Variants in SEC16A observed in about 807,000 individuals in gnomAD.
SEC16A encodes the protein protein transport protein Sec16A.
Under a neutral mutation model 221.9 loss-of-function variants are expected in SEC16A, and 110 were observed. The ratio of observed to expected loss-of-function variants is 0.50; its 90% CI spans 0.42 to 0.58. The LOEUF (loss-of-function observed/expected upper bound fraction) is 0.58, where lower values mean the gene tolerates loss of function less well. SEC16A is among the 20% of genes least tolerant of loss of function. The probability of loss-of-function intolerance (pLI) is 0.00; values close to 1 mark genes in which losing one functional copy is unlikely to be tolerated. For synonymous variants in SEC16A, 1,393 were observed against 1,257.7 expected (o/e 1.11, Z -2.28); for missense variants, 3,165 against 3,097.8 (o/e 1.02, Z -0.52).
intron 20 of SEC16A, among the ~76,000 whole-genome samples, chr9:136,455,094 C>A (rs560809190): frequency 6.6e-6 from 1 of 152,340 alleles, no homozygotes; most frequent in East Asian, 1.9e-4. Flanking sequence ...AGCCCGTGCT[C>A]ATCCAGGCAT....
At chr9:136,463,376 C>T (rs1839758890) in intron 11 of SEC16A, 87 bp downstream of exon 11, 2 of 1,532,642 alleles carry the variant, frequency 1.3e-6, no homozygotes, top group African/African-American at 1.4e-5. Flanking sequence ...ACGCGGATCC[C>T]GCCCTGCTCC....
chr9:136,454,121 T>C lies in SEC16A; in HGVS notation c.6064A>G (p.Ser2022Gly). ...ERRHLLQEAR[S>G]PDPGIVPQEA... ...TCTGCAGCCCCACCTGGGTCTGGGC[T>C]CCTGGCTTCCTGGAGCAAGTGTCTC... Residue 2022 changes from serine (S) to glycine (G), a missense_variant, in exon 21 of 32, where the codon AGC (serine) becomes GGC (glycine). This residue lies in a region of SEC16A where 1,088 missense variants were observed against 1,089.6 expected (regional missense o/e 1.00). Coordinates refer to ENST00000684901, the MANE Select transcript of SEC16A (RefSeq NM_014866.2). The C allele has an allele frequency of 6.4e-7, 1 of 1,551,280 alleles. No individual in the cohort carries two copies. Among genetic ancestry groups the C allele is most frequent in the Non-Finnish European group, 8.7e-7 (1 of 1,147,430 alleles).
chr9:136,457,632 C>A, intron 17 of SEC16A, 48 bp from the exon 18 acceptor site: 1 of 1,575,576 alleles, frequency 6.3e-7, no homozygotes, highest in Non-Finnish European at 8.6e-7. Flanking sequence ...CGCGTCCGAG[C>A]ATCGCCGATG....
chr9:136,447,470 G>A lies in SEC16A; in HGVS notation c.6559+99C>T, dbSNP rs1403831595. The A allele has an allele frequency of 2.6e-6, 4 of 1,550,058 alleles. No homozygotes were observed. The East Asian group carries it at 9.3e-5, about 36-fold the overall frequency. ...GAGGAAAAGCACGCAGGGACGTGCG[G>A]GAAGCCACCTCCTCCCCACGCACAA... On this transcript the variant is annotated intron_variant, in intron 26 of 31. Transcript: ENST00000684901. The surrounding 1 kb of genome is among the most constrained non-coding windows in gnomAD (Gnocchi z 5.5).
chr9:136,457,265 C>T (rs969877182), intron 18 of SEC16A, among the ~76,000 whole-genome samples, 179 bp downstream of exon 18: 4 of 152,258 alleles, frequency 2.6e-5, no homozygotes, highest in Admixed American at 1.3e-4. Flanking sequence ...TGAGAGTTCC[C>T]AGGCTAAGAC....
chr9:136,446,955 G>T lies in SEC16A; in HGVS notation c.6698-6C>A. Reference sequence around the variant, plus strand: ...AAGCTGTGGTTCTTCTGCATCTGGGGATGAGAGAGCGAGGAGGCCATCATT... The same window carrying T: ...AAGCTGTGGTTCTTCTGCATCTGGGTATGAGAGAGCGAGGAGGCCATCATT... On this transcript the variant is annotated splice_region_variant and splice_polypyrimidine_tract_variant and intron_variant, in intron 27 of 31. Transcript: ENST00000684901. 1.2e-6 allele frequency: 2 copies of T among 1,613,578 alleles called. No homozygotes were observed. The highest frequency in any genetic ancestry group is 1.7e-6 in the Non-Finnish European group (2 of 1,179,872).
upstream of SEC16A, chr9:136,483,567 C>T (rs934192531): frequency 6.1e-6 from 6 of 985,280 alleles, no homozygotes; most frequent in East Asian, 1.1e-4. Flanking sequence ...CGTCCCAGTA[C>T]GTCGCCCTGT....
Position 136,451,315 on chromosome 9 carries a change from C to T in SEC16A, c.6253G>A (p.Ala2085Thr), listed in dbSNP as rs370580753. 11 of 1,613,360 alleles carry T rather than the reference C, an allele frequency of 6.8e-6. No individual in the cohort carries two copies. Among genetic ancestry groups the T allele is most frequent in the African/African-American group, 5.3e-5 (4 of 74,916 alleles). The stretch of plus-strand genomic sequence containing the variant: ...TGTCCGGGTCTCTTTGTTTCGGGAG[C>T]GGGTGAGAGAGACAGAGGTGGCTGC... ...PTQPPLSLSP[A>T]PETKRPGQAA... The change falls in exon 23 of 32, where the codon GCT (alanine) becomes ACT (threonine). Residue 2085 changes from alanine (A) to threonine (T), a missense_variant. Transcript: ENST00000684901.
intron 22 of SEC16A, among the ~76,000 whole-genome samples, chr9:136,452,788 AAAG>A (rs1454817506): frequency 2.7e-5 from 4 of 148,266 alleles, no homozygotes; most frequent in Non-Finnish European, 6.0e-5. Flanking sequence ...AAAAAAAAAA[AAAG>A]GCCAGGCTTG....
chr9:136,484,009 G>A (rs570981531), upstream of SEC16A: 31 of 175,088 alleles, frequency 1.8e-4, no homozygotes, highest in South Asian at 5.3e-3. Flanking sequence ...CCCGGGCAGG[G>A]AGGGGCGGCC....
intron 4 of SEC16A, among the ~76,000 whole-genome samples, chr9:136,471,461 G>A (rs962634011): frequency 6.6e-6 from 1 of 152,136 alleles, no homozygotes; most frequent in Non-Finnish European, 1.5e-5. Context: ...ACAACAGAGT[G>A]AGACCTGCCT....
At chr9:136,460,159 G>C (rs988125004) in intron 13 of SEC16A, 36 bp from the exon 14 acceptor site, 1 of 1,545,480 alleles carries the variant, frequency 6.5e-7, no homozygotes, top group African/African-American at 1.4e-5. Flanking sequence ...CCCCATGCTG[G>C]CTCAGCTAAA....
Position 136,455,477 on chromosome 9 carries a change from G to A in SEC16A, c.5857+124C>T, listed in dbSNP as rs988307087. On this transcript the variant is annotated intron_variant, in intron 20 of 31. Transcript: ENST00000684901. ...AGCCCCACAACCACCGAGGTGGTGTGAGACACTGCCTCCAACAGTCCACAT... is the reference window on the plus strand; with the variant it reads ...AGCCCCACAACCACCGAGGTGGTGTAAGACACTGCCTCCAACAGTCCACAT... The A allele has an allele frequency of 3.3e-6, 3 of 908,654 alleles. No homozygotes were observed. In the African/African-American group the frequency reaches 5.0e-5, roughly 15 times the overall value. The allele number at this position is 908,654 out of a possible 1,614,324, so 56.3% of individuals were successfully genotyped here.
intron 12 of SEC16A, 89 bp from the exon 13 acceptor site, chr9:136,461,363 G>T: frequency 1.1e-6 from 1 of 933,076 alleles, no homozygotes. Flanking sequence ...TCACGCAGCA[G>T]CAGATACACA....
chr9:136,484,203 AG>A, upstream of SEC16A: 1 of 289,944 alleles, frequency 3.4e-6, no homozygotes, highest in Non-Finnish European at 5.3e-6. Context: ...CCAGCCCCAC[AG>A]GGGCGCTGGG....
In SEC16A at chr9:136,451,377, G is replaced by C; in HGVS notation, c.6191C>G (p.Ala2064Gly). 1 of 1,611,932 alleles carries C rather than the reference G, an allele frequency of 6.2e-7. No homozygotes were observed. The highest frequency in any genetic ancestry group is 8.5e-7 in the Non-Finnish European group (1 of 1,179,138). Residue 2064 changes from alanine to glycine, a missense_variant, in exon 23 of 32, where the codon GCC becomes GGC. Coordinates refer to ENST00000684901, the MANE Select transcript of SEC16A (RefSeq NM_014866.2). ...TPSRTVPDSE[A>G]PPGWDRADSG... is the part of the protein sequence containing the mutation. ...GTCGGCACGATCCCACCCTGGGGGG[G>C]CCTCCGAGTCTGGCACCGTCCTCGA...
rs758728611 is a variant in SEC16A, at chr9:136,468,415, C to G, written c.3802G>C (p.Asp1268His). The G allele has an allele frequency of 1.9e-6, 3 of 1,604,404 alleles. No homozygotes were observed. Among genetic ancestry groups the G allele is most frequent in the East Asian group, 2.2e-5 (1 of 44,772 alleles). ...SYYSSQYDYG[D>H]PGHWDRYHYS... The stretch of plus-strand genomic sequence containing the variant: ...AGCTGCTTGGAGTTCCTTGACATAC[C>G]TCCATAATCGTACTGGCTGGAGTAA... Residue 1268 changes from aspartate to histidine, a missense_variant and splice_region_variant, in exon 5 of 32, where the codon GAT (aspartate) becomes CAT (histidine). Asp to His is a moderately conservative substitution (Grantham distance 81). Transcript: ENST00000684901.
chr9:136,463,394 GGCTGA>G, intron 11 of SEC16A, 64 bp downstream of exon 11: 1 of 1,571,156 alleles, frequency 6.4e-7, no homozygotes, highest in African/African-American at 1.4e-5. Flanking sequence ...TCCTTCGGGA[GGCTGA>G]GCATTCCCAA....
chr9:136,460,561 A>C (rs1358609313), intron 13 of SEC16A, among the ~76,000 whole-genome samples: 3 of 151,706 alleles, frequency 2.0e-5, no homozygotes, highest in African/African-American at 7.3e-5. Context: ...CAAAGTACAC[A>C]CATCTCAATA....
Sources: gnomAD v4.1 joint callset for allele counts (sites outside exome capture counted in the v4.1 genomes callset) on GRCh38, gnomAD v4.1.1 for gene constraint, gnomAD v4.1.1 regional missense constraint, Gnocchi (gnomAD v3.1) non-coding constraint, MANE v1.5 for transcripts, NCBI Gene and HGNC (gene_info 2026-07-23, HGNC 2026-07-21) for gene names.